Variants in FAM13A observed in about 807,000 individuals in gnomAD.
FAM13A encodes family with sequence similarity 13 member A.
In FAM13A, 76 loss-of-function variants were observed where a neutral mutation model predicts 129.6. That is an observed-to-expected ratio of 0.59 (90% confidence interval 0.49 to 0.71). The LOEUF is 0.71. Ranked by LOEUF, FAM13A falls within the 30% of genes least tolerant of loss-of-function variation. The probability of loss-of-function intolerance (pLI) is 0.00; values close to 1 mark genes in which losing one functional copy is unlikely to be tolerated. For missense variants in FAM13A, 1,108 were observed against 1,249.3 expected, an observed-to-expected ratio of 0.89 and a Z score of 1.70; for synonymous variants, 443 against 449.9, an observed-to-expected ratio of 0.98 and a Z score of 0.20.
chr4:88,861,562 T>C (rs2150034703), intron 6 of FAM13A, among the ~76,000 whole-genome samples: 1 of 152,270 alleles, frequency 6.6e-6, no homozygotes, highest in Non-Finnish European at 1.5e-5. Flanking sequence ...TAGTGGTTTA[T>C]TCTTAAATAG....
At chr4:88,738,005 GA>G (rs1362303079) in intron 20 of FAM13A, among the ~76,000 whole-genome samples, 1 of 152,222 alleles carries the variant, frequency 6.6e-6, no homozygotes, top group Non-Finnish European at 1.5e-5. Flanking sequence ...CCTGGAGAAT[GA>G]AAACAACTCC....
Position 88,739,467 on chromosome 4 carries a change from A to AC in FAM13A, c.2467-343_2467-342insG, listed in dbSNP as rs1420890154. 3.3e-5 allele frequency among the ~76,000 whole-genome samples: 5 copies of AC among 151,800 alleles called. 1 individual carries two copies. The highest frequency in any genetic ancestry group is 9.7e-5 in the African/African-American group (4 of 41,296). On this transcript the variant is annotated intron_variant, in intron 19 of 23. Transcript: ENST00000264344. ...CTGAGCCCAGGGAAAGTGAAAGCAT[A>AC]TATCTGCTATAAGACGTATCATGTA...
chr4:88,773,462 C>T (rs1303919083), intron 11 of FAM13A, among the ~76,000 whole-genome samples: 9 of 152,158 alleles, frequency 5.9e-5, no homozygotes, highest in Admixed American at 1.3e-4. Context: ...TTATCACTCA[C>T]TCCCTATTGC....
chr4:88,995,100 A>ACCCAAAATGTATATTTGTTGCACACATG (rs1560709793), intron 3 of FAM13A, among the ~76,000 whole-genome samples: 23 of 150,936 alleles, frequency 1.5e-4, no homozygotes, highest in African/African-American at 5.1e-4. Flanking sequence ...TTGCACACAC[A>ACCCAAAATGTATATTTGTTGCACACATG]CACCCAAAAT....
At chr4:88,938,017 G>A in intron 5 of FAM13A, 71 bp downstream of exon 5, 2 of 1,190,268 alleles carry the variant, frequency 1.7e-6, no homozygotes, top group Admixed American at 1.8e-5. Context: ...GAATTTTTAT[G>A]AGAAAGAATT....
At position 88,747,789 on chromosome 4, in the gene FAM13A, G is replaced by C; in HGVS notation, c.2224C>G (p.Leu742Val). Residue 742 changes from leucine (L) to valine (V), a missense_variant, in exon 18 of 24, where the codon CTC (leucine) becomes GTC (valine). Leu to Val is a conservative substitution (Grantham distance 32). Transcript: ENST00000264344. ...TPRMRQRSNT[L>V]PKSFGSQLEK... ...AGTTGGGAACCAAAACTCTTGGGGA[G>C]TGTGTTGCTTCGCTGCCGCATCCTG... 1 of 1,614,206 alleles carries C rather than the reference G, an allele frequency of 6.2e-7. No individual in the cohort carries two copies. Among genetic ancestry groups the C allele is most frequent in the Non-Finnish European group, 8.5e-7 (1 of 1,179,996 alleles).
intron 1 of FAM13A, among the ~76,000 whole-genome samples, chr4:89,052,338 T>C: frequency 6.6e-6 from 1 of 151,676 alleles, no homozygotes; most frequent in Non-Finnish European, 1.5e-5. Context: ...CTTTAAGTTT[T>C]AGGGTACATG....
rs564754792 is a variant in FAM13A, at chr4:88,897,624, C to A, written c.843+8755G>T. ...CTGTCCAAGGCAAATACGGCTGTAA[C>A]TAAAGATGTCTGAGAAAGACAGCAA... On this transcript the variant is annotated intron_variant, in intron 6 of 23. Coordinates refer to ENST00000264344, the MANE Select transcript of FAM13A (RefSeq NM_014883.4). Among the ~76,000 whole-genome samples, 309 of 152,154 alleles carry A rather than the reference C, an allele frequency of 2.0e-3. 7 individuals are homozygous for A. In the South Asian group the frequency reaches 0.063, roughly 31 times the overall value.
At chr4:88,823,056 G>A in intron 7 of FAM13A, 1 of 1,611,668 alleles carries the variant, frequency 6.2e-7, no homozygotes, top group South Asian at 1.1e-5. Context: ...TCCACGGCAA[G>A]TTTGGTCGTC....
chr4:88,898,774 A>T (rs1266871323), intron 6 of FAM13A, among the ~76,000 whole-genome samples: 2 of 151,978 alleles, frequency 1.3e-5, no homozygotes, highest in Non-Finnish European at 2.9e-5. Context: ...AAAAAAATAG[A>T]TGTTGGCATG....
intron 3 of FAM13A, among the ~76,000 whole-genome samples, chr4:89,012,338 A>T (rs1765845077): frequency 6.6e-6 from 1 of 152,222 alleles, no homozygotes; most frequent in Non-Finnish European, 1.5e-5. Context: ...GAGTTGCTGC[A>T]GTCAGAGAGA....
intron 3 of FAM13A, among the ~76,000 whole-genome samples, chr4:89,011,387 T>C (rs766183166): frequency 3.3e-5 from 5 of 152,158 alleles, no homozygotes; most frequent in African/African-American, 4.8e-5. Context: ...TACAACAATT[T>C]AAAAAATTTT....
chr4:88,851,540 G>A (rs1197748165), intron 6 of FAM13A, among the ~76,000 whole-genome samples: 1 of 151,874 alleles, frequency 6.6e-6, no homozygotes, highest in Non-Finnish European at 1.5e-5. Flanking sequence ...TGGATTGAAG[G>A]AAATAAAAAA....
At chr4:88,807,882 A>G (rs1431991164) in intron 7 of FAM13A, among the ~76,000 whole-genome samples, 2 of 152,226 alleles carry the variant, frequency 1.3e-5, no homozygotes, top group Admixed American at 1.3e-4. Context: ...CATCAATGAA[A>G]GACAAAATAA....
At chr4:88,788,053 T>C (rs1032226540) in intron 9 of FAM13A, 121 bp from the exon 10 acceptor site, 4 of 704,248 alleles carry the variant, frequency 5.7e-6, no homozygotes, top group Non-Finnish European at 9.0e-6. Flanking sequence ...TAGAACTTCA[T>C]AAGCAAAGAG....
chr4:88,940,742 C>T (rs977295369), intron 4 of FAM13A, among the ~76,000 whole-genome samples: 1 of 152,136 alleles, frequency 6.6e-6, no homozygotes. Context: ...CAGATCCTGT[C>T]GATCAAATCA....
Position 88,763,089 on chromosome 4 carries a change from A to G in FAM13A, c.1579-4188T>C, listed in dbSNP as rs76994560. Among the ~76,000 whole-genome samples, 5 of 152,210 alleles carry G rather than the reference A, an allele frequency of 3.3e-5. No homozygotes were observed. In the South Asian group the frequency reaches 8.3e-4, roughly 25 times the overall value. On this transcript the variant is annotated intron_variant, in intron 13 of 23. Coordinates refer to ENST00000264344, the MANE Select transcript of FAM13A (RefSeq NM_014883.4). ...AGGCAGAGACTCATGTTTAGATACT[A>G]GCTTTACTAGCTCCAAGACTTTCAG...
intron 6 of FAM13A, among the ~76,000 whole-genome samples, chr4:88,885,942 T>C (rs1744327748): frequency 6.6e-6 from 1 of 150,676 alleles, no homozygotes; most frequent in Non-Finnish European, 1.5e-5. Flanking sequence ...ACCAGGGAAA[T>C]GCAAATCAAA....
chr4:88,819,511 C>G (rs758984534), intron 7 of FAM13A, among the ~76,000 whole-genome samples: 12 of 152,078 alleles, frequency 7.9e-5, no homozygotes, highest in Non-Finnish European at 1.3e-4. Context: ...GAGATCCTTA[C>G]CTACATCCCC....
Sources: allele counts gnomAD v4.1 joint callset (sites outside exome capture counted in the v4.1 genomes callset), GRCh38; gene constraint gnomAD v4.1.1; transcripts MANE v1.5; gene names NCBI Gene and HGNC (gene_info 2026-07-23, HGNC 2026-07-21).